HLA-F: variants seen among roughly 807,000 people sequenced by gnomAD.
HLA-F encodes HLA class I histocompatibility antigen, alpha chain F.
HLA-F carries 46 observed loss-of-function variants against 49.5 expected under a neutral mutation model. The observed-to-expected ratio is 0.93, with a 90% CI of 0.73 to 1.19. The LOEUF (loss-of-function observed/expected upper bound fraction) is 1.19, where lower values mean the gene tolerates loss of function less well. HLA-F is among the 50% of genes most tolerant of loss of function. The pLI, the probability that HLA-F is intolerant of heterozygous loss-of-function variation, is 0.00. For synonymous variants in HLA-F, 203 were observed against 233.5 expected (o/e 0.87, Z 1.19); for missense variants, 496 against 579.6 (o/e 0.86, Z 1.48).
In HLA-F at chr6:29,723,490, G is replaced by T. The variant is rs756276838; in HGVS notation, c.27G>T (p.Leu9=). 1.9e-6 allele frequency: 3 copies of T among 1,613,356 alleles called. No homozygotes were observed. Among genetic ancestry groups the T allele is most frequent in the Middle Eastern group, 1.7e-4 (1 of 6,024 alleles). The change falls in exon 1 of 7, where the codon CTG becomes CTT. Residue 9 remains leucine, a synonymous_variant. Coordinates refer to ENST00000259951, the MANE Select transcript of HLA-F (RefSeq NM_001098479.2). Reference sequence around the variant, plus strand: ...TGGCGCCCCGAAGCCTCCTCCTGCTGCTCTCAGGGGCCCTGGCCCTGACCG... The same window carrying T: ...TGGCGCCCCGAAGCCTCCTCCTGCTTCTCTCAGGGGCCCTGGCCCTGACCG... The part of the protein sequence containing the change: MAPRSLLL[L]LSGALALTDT...
chr6:29,727,900 G>T (rs1342475213), downstream of HLA-F: 22 of 505,488 alleles, frequency 4.4e-5, no homozygotes, highest in Non-Finnish European at 1.6e-5. Context: ...CTCCCTTCCT[G>T]TCTTCTCCAG....
intron 3 of HLA-F, among the ~76,000 whole-genome samples, chr6:29,737,218 CAAA>C (rs3030698): frequency 0.18 from 11,566 of 65,042 alleles, 468 homozygotes; most frequent in Admixed American, 0.26. Context: ...ATCCTCATGG[CAAA>C]AAAAAAAAAA....
At chr6:29,726,735 C>T in intron 6 of HLA-F, 148 bp from the exon 7 acceptor site, 1 of 1,218,366 alleles carries the variant, frequency 8.2e-7, no homozygotes, top group Non-Finnish European at 1.2e-6. Context: ...GAACATATGC[C>T]TTCCTCTCTC....
In HLA-F at chr6:29,723,530, G is replaced by A. The variant is rs1451651739; in HGVS notation, c.64+3G>A. The A allele has an allele frequency of 6.2e-7, 1 of 1,611,626 alleles. No individual in the cohort carries two copies. Among genetic ancestry groups the A allele is most frequent in the Non-Finnish European group, 8.5e-7 (1 of 1,179,574 alleles). Reference sequence around the variant, plus strand: ...GGCCCTGACCGATACTTGGGCGGGTGAGTGCGGGGTCCAGAGAGAAACGGC... The same window carrying A: ...GGCCCTGACCGATACTTGGGCGGGTAAGTGCGGGGTCCAGAGAGAAACGGC... On this transcript the variant is annotated splice_donor_region_variant and intron_variant, in intron 1 of 6. Coordinates refer to ENST00000259951, the MANE Select transcript of HLA-F (RefSeq NM_001098479.2).
chr6:29,724,087 A>G (rs765009213), intron 2 of HLA-F, 86 bp from the exon 3 acceptor site: 14 of 1,571,866 alleles, frequency 8.9e-6, no homozygotes, highest in Non-Finnish European at 1.2e-5. Context: ...ACCCAGGTTC[A>G]TTTTCAGTTT....
In HLA-F at chr6:29,724,213, G is replaced by C; in HGVS notation, c.375G>C (p.Gly125=). ...TLQGMNGCDM[G]PDGRLLRGYH... ...AGGGAATGAATGGCTGCGACATGGGGCCCGACGGACGCCTCCTCCGCGGGT... is the reference window on the plus strand; with the variant it reads ...AGGGAATGAATGGCTGCGACATGGGCCCCGACGGACGCCTCCTCCGCGGGT... Residue 125 remains glycine (G), a synonymous_variant, in exon 3 of 7, where the codon GGG becomes GGC. Transcript: ENST00000259951. 1.9e-6 allele frequency: 3 copies of C among 1,613,192 alleles called. No homozygotes were observed.
intron 3 of HLA-F, chr6:29,736,376 A>G: frequency 2.2e-6 from 1 of 452,912 alleles, no homozygotes; most frequent in Non-Finnish European, 4.4e-6. Context: ...CATTTATTTC[A>G]TAGATTTTTA....
rs750155724 is a variant in HLA-F, at chr6:29,723,773, C to T, written c.180C>T (p.Asp60=). Reference sequence around the variant, plus strand: ...CGCAATTCCTGCGGTTCGACAGCGACGCCGCGATTCCGAGGATGGAGCCGC... The same window carrying T: ...CGCAATTCCTGCGGTTCGACAGCGATGCCGCGATTCCGAGGATGGAGCCGC... ...DDTQFLRFDS[D]AAIPRMEPRE... is the part of the protein sequence containing the mutation. Residue 60 remains aspartate, a synonymous_variant, in exon 2 of 7, where the codon GAC becomes GAT. Coordinates refer to ENST00000259951, the MANE Select transcript of HLA-F (RefSeq NM_001098479.2). The T allele has an allele frequency of 1.9e-5, 31 of 1,610,342 alleles. No individual in the cohort carries two copies. The highest frequency in any genetic ancestry group is 2.6e-5 in the Non-Finnish European group (31 of 1,179,010).
intron 5 of HLA-F, 128 bp from the exon 6 acceptor site, chr6:29,725,883 G>A (rs936716739): frequency 9.6e-7 from 1 of 1,038,850 alleles, no homozygotes; most frequent in African/African-American, 1.6e-5. Flanking sequence ...CATATTTCTT[G>A]ATCCTGCCCT....
Position 29,723,819 on chromosome 6 carries a change from G to C in HLA-F, c.226G>C (p.Glu76Gln). 1 of 1,604,092 alleles carries C rather than the reference G, an allele frequency of 6.2e-7. No homozygotes were observed. Among genetic ancestry groups the C allele is most frequent in the Non-Finnish European group, 8.5e-7 (1 of 1,175,734 alleles). ...GCCGCGGGAGCCGTGGGTGGAGCAA[G>C]AGGGGCCGCAGTATTGGGAGTGGAC... The part of the protein sequence containing the change: ...MEPREPWVEQ[E>Q]GPQYWEWTTG... Residue 76 changes from glutamate (E) to glutamine (Q), a missense_variant, in exon 2 of 7, where the codon GAG becomes CAG. Coordinates refer to ENST00000259951, the MANE Select transcript of HLA-F (RefSeq NM_001098479.2).
At chr6:29,731,623 T>A (rs1776624680), downstream of HLA-F, among the ~76,000 whole-genome samples, 1 of 152,080 alleles carries the variant, frequency 6.6e-6, no homozygotes. Context: ...GAGAGAGGAT[T>A]TTCCCCGCTC....
At chr6:29,729,361 A>C (rs1776373862), downstream of HLA-F, 1 of 152,240 alleles carries the variant, frequency 6.6e-6, no homozygotes, top group Non-Finnish European at 1.5e-5. Context: ...ATCAGTGCTC[A>C]CTGCATCTTA....
intron 3 of HLA-F, among the ~76,000 whole-genome samples, chr6:29,737,206 C>A (rs1777175902): frequency 9.6e-6 from 1 of 103,810 alleles, no homozygotes. Context: ...ATAGTACCAT[C>A]AATCCTCATG....
chr6:29,735,895 C>T (rs1777048534), intron 3 of HLA-F: 1 of 152,150 alleles, frequency 6.6e-6, no homozygotes, highest in South Asian at 2.1e-4. Context: ...ATTGTCTTAT[C>T]TTCAAGCTTG....
rs754870695 is a variant in HLA-F, at chr6:29,726,870, A to G, written c.1037-13A>G. On this transcript the variant is annotated splice_polypyrimidine_tract_variant and intron_variant, in intron 6 of 6. Transcript: ENST00000259951. ...GAACACAAGTAGGCTGTTGTTTTCTATCTTCTTCACAGCCTACTCAGTGGT... is the reference window on the plus strand; with the variant it reads ...GAACACAAGTAGGCTGTTGTTTTCTGTCTTCTTCACAGCCTACTCAGTGGT... 2.0e-5 allele frequency: 32 copies of G among 1,600,652 alleles called. No individual in the cohort carries two copies. The South Asian group carries it at 2.1e-4, about 10-fold the overall frequency.
chr6:29,725,514 G>A lies in HLA-F; in HGVS notation c.954G>A (p.Val318=), dbSNP rs917881281. 1.2e-6 allele frequency: 2 copies of A among 1,614,016 alleles called. No individual in the cohort carries two copies. Among genetic ancestry groups the A allele is most frequent in the Non-Finnish European group, 1.7e-6 (2 of 1,179,908 alleles). The change falls in exon 5 of 7, where the codon GTG becomes GTA. Residue 318 remains valine (V), a synonymous_variant. Transcript: ENST00000259951. ...CTGGCCTTGTTGTCCTTGGAGCTGT[G>A]GTCACTGGAGCTGTGGTCGCTGCTG... is the stretch of plus-strand genomic sequence containing the variant. ...IVAGLVVLGA[V]VTGAVVAAVM... is the part of the protein sequence containing the mutation.
chr6:29,724,127 AG>A (rs1775710329), intron 2 of HLA-F, 45 bp from the exon 3 acceptor site: 7 of 1,603,530 alleles, frequency 4.4e-6, no homozygotes, highest in Non-Finnish European at 6.0e-6. Context: ...TTGGGCGGGG[AG>A]GGGGCGGGGC....
intron 3 of HLA-F, among the ~76,000 whole-genome samples, chr6:29,732,320 C>T (rs186757009): frequency 3.7e-4 from 57 of 152,206 alleles, no homozygotes; most frequent in African/African-American, 1.3e-3. Flanking sequence ...TCTTTATGTA[C>T]AAACATGCTT....
intron 6 of HLA-F, chr6:29,726,634 A>G (rs1335081137): frequency 2.6e-6 from 4 of 1,517,280 alleles, no homozygotes; most frequent in Admixed American, 3.6e-5. Flanking sequence ...GTGAAAAGAT[A>G]TACATATATT....
Sources: allele counts gnomAD v4.1 joint callset (sites outside exome capture counted in the v4.1 genomes callset), GRCh38; gene constraint gnomAD v4.1.1; transcripts MANE v1.5; gene names NCBI Gene and HGNC (gene_info 2026-07-23, HGNC 2026-07-21).